DPP6: variants seen among roughly 807,000 people sequenced by gnomAD.
The protein encoded by DPP6 is A-type potassium channel modulatory protein DPP6.
In DPP6, 69 loss-of-function variants were observed where a neutral mutation model predicts 122.6. The observed-to-expected ratio is 0.56, with a 90% CI of 0.46 to 0.69. The LOEUF is 0.69. Among genes scored for constraint, DPP6 ranks in the 30% least tolerant of loss-of-function variants. The pLI is 0.00. For missense variants in DPP6, 928 were observed against 1,116.9 expected (o/e 0.83, Z 2.41); for synonymous variants, 418 against 433.1 (o/e 0.97, Z 0.43).
intron 5 of DPP6, among the ~76,000 whole-genome samples, chr7:154,584,264 G>A (rs922968162): frequency 3.9e-5 from 6 of 152,158 alleles, no homozygotes; most frequent in African/African-American, 1.4e-4. Context: ...TGTTCCCTCT[G>A]CTGGGAGCAC....
At chr7:154,195,981 C>A (rs572783883) in intron 1 of DPP6, among the ~76,000 whole-genome samples, 9 of 152,330 alleles carry the variant, frequency 5.9e-5, no homozygotes, top group African/African-American at 2.2e-4. Flanking sequence ...AAGACCCTCT[C>A]TGAAAACACC....
Position 153,966,600 on chromosome 7 carries a change from CCT to C in DPP6, c.51+78867_51+78868del, listed in dbSNP as rs1180008039. On this transcript the variant is annotated intron_variant, in intron 1 of 25. Coordinates refer to the DPP6 transcript ENST00000404039. ...TTTTTTTTTTTTTACTGCATATAGC[CCT>C]TTTTTTTTAAAAAATTATACTTTAA... 1.4e-3 allele frequency among the ~76,000 whole-genome samples: 52 copies of C among 36,826 alleles called. 1 individual carries two copies. The highest frequency in any genetic ancestry group is 3.1e-3 in the African/African-American group (44 of 14,056). The allele number at this position is 36,826 out of a possible 152,430, so 24.2% of individuals were successfully genotyped here.
intron 1 of DPP6, among the ~76,000 whole-genome samples, chr7:154,414,688 A>G (rs112561503): frequency 0.013 from 1,982 of 152,334 alleles, 26 homozygotes; most frequent in Non-Finnish European, 0.021. Flanking sequence ...TGAGGTTGCC[A>G]TCAGGTGTCG....
At chr7:154,111,741 A>G (rs747489451) in intron 1 of DPP6, among the ~76,000 whole-genome samples, 1 of 151,860 alleles carries the variant, frequency 6.6e-6, no homozygotes, top group Non-Finnish European at 1.5e-5. Context: ...TGAAACCTGA[A>G]ATCCCATCTG....
chr7:154,475,085 C>G (rs1822611287), intron 3 of DPP6, 48 bp downstream of exon 3: 1 of 1,404,878 alleles, frequency 7.1e-7, no homozygotes, highest in South Asian at 1.2e-5. Flanking sequence ...CCATGCCTCA[C>G]CCCCACTTTC....
chr7:154,388,295 T>C (rs1814300572), intron 1 of DPP6, among the ~76,000 whole-genome samples: 1 of 152,182 alleles, frequency 6.6e-6, no homozygotes, highest in Non-Finnish European at 1.5e-5. Context: ...TCAAAAAATA[T>C]ATAGTGATTG....
intron 1 of DPP6, among the ~76,000 whole-genome samples, chr7:153,929,768 A>G (rs187417461): frequency 1.1e-4 from 16 of 152,324 alleles, no homozygotes; most frequent in Admixed American, 9.8e-4. Context: ...TTTTCTTGCT[A>G]AATTACTGTT....
chr7:154,437,123 A>C (rs1818939801), intron 1 of DPP6, among the ~76,000 whole-genome samples: 1 of 152,182 alleles, frequency 6.6e-6, no homozygotes, highest in African/African-American at 2.4e-5. Flanking sequence ...TCCCTGACAA[A>C]GGAGACTAAG....
intron 16 of DPP6, among the ~76,000 whole-genome samples, chr7:154,826,073 A>G (rs1373506473): frequency 6.6e-6 from 1 of 152,204 alleles, no homozygotes; most frequent in East Asian, 1.9e-4. Flanking sequence ...ACGCAAACCC[A>G]TGATCATTAC....
At chr7:154,080,339 T>A (rs532375834) in intron 1 of DPP6, among the ~76,000 whole-genome samples, 95 of 152,112 alleles carry the variant, frequency 6.2e-4, no homozygotes, top group Non-Finnish European at 1.0e-3. Flanking sequence ...GACAGTGACA[T>A]CTCGGACTTC....
chr7:154,317,077 C>T (rs1489135355), intron 1 of DPP6, among the ~76,000 whole-genome samples: 1 of 152,146 alleles, frequency 6.6e-6, no homozygotes, highest in Non-Finnish European at 1.5e-5. Context: ...TGGCTGTCTC[C>T]CTGTCCCCCC....
the DPP6 span, among the ~76,000 whole-genome samples, chr7:153,859,991 G>A: frequency 1.3e-5 from 2 of 152,246 alleles, no homozygotes; most frequent in East Asian, 3.9e-4. Flanking sequence ...GTGGGAACAC[G>A]GAGCCAAACC....
At chr7:154,446,746 A>G (rs1819908213) in intron 2 of DPP6, among the ~76,000 whole-genome samples, 2 of 152,362 alleles carry the variant, frequency 1.3e-5, no homozygotes, top group Admixed American at 1.3e-4. Flanking sequence ...AATATTACAT[A>G]AAGTATAAAC....
At chr7:154,131,337 A>G (rs1279509761) in intron 1 of DPP6, among the ~76,000 whole-genome samples, 1 of 152,234 alleles carries the variant, frequency 6.6e-6, no homozygotes, top group Non-Finnish European at 1.5e-5. Flanking sequence ...GTTGTGACTG[A>G]TAACATGCTG....
intron 7 of DPP6, among the ~76,000 whole-genome samples, chr7:154,695,743 C>G (rs1483248613): frequency 1.3e-5 from 2 of 151,960 alleles, no homozygotes; most frequent in African/African-American, 2.4e-5. Flanking sequence ...AGGGAGGTGC[C>G]GAGGGTAGGA....
At chr7:154,580,878 A>G (rs992925236) in intron 5 of DPP6, among the ~76,000 whole-genome samples, 2 of 152,198 alleles carry the variant, frequency 1.3e-5, no homozygotes, top group African/African-American at 4.8e-5. Context: ...AGGCAGAAGA[A>G]AGAGCAGCAA....
At chr7:154,175,452 A>G (rs1404245003) in intron 1 of DPP6, among the ~76,000 whole-genome samples, 1 of 152,102 alleles carries the variant, frequency 6.6e-6, no homozygotes, top group Non-Finnish European at 1.5e-5. Context: ...GCTCGGAAGC[A>G]GGTTTTCCCC....
chr7:154,073,293 C>T (rs1485477347), intron 1 of DPP6, among the ~76,000 whole-genome samples: 1 of 152,208 alleles, frequency 6.6e-6, no homozygotes, highest in Non-Finnish European at 1.5e-5. Context: ...GCCTTTGTCT[C>T]CTTCCTTCTG....
chr7:153,957,478 C>T (rs1325687218), intron 1 of DPP6, among the ~76,000 whole-genome samples: 1 of 152,218 alleles, frequency 6.6e-6, no homozygotes, highest in Non-Finnish European at 1.5e-5. Context: ...AGTTAGTCCA[C>T]TTCCCGGCCA....
Sources: gnomAD v4.1 joint callset for allele counts (sites outside exome capture counted in the v4.1 genomes callset) on GRCh38, gnomAD v4.1.1 for gene constraint, MANE v1.5 for transcripts, NCBI Gene and HGNC (gene_info 2026-07-23, HGNC 2026-07-21) for gene names.